The following LARGE2 variants were observed in gnomAD, a reference collection of about 807,000 sequenced individuals.
LARGE2 encodes xylosyl- and glucuronyltransferase LARGE2.
A neutral mutation model predicts 75.3 loss-of-function variants in LARGE2; 63 were observed. The observed-to-expected ratio is 0.84, with a 90% CI of 0.68 to 1.03. The LOEUF is 1.03. Ranked by LOEUF, LARGE2 falls within the 50% of genes least tolerant of loss-of-function variation. LARGE2 has a pLI of 0.00. For synonymous variants in LARGE2, 428 were observed against 420.1 expected, an observed-to-expected ratio of 1.02 and a Z score of -0.23; for missense variants, 925 against 980.6, an observed-to-expected ratio of 0.94 and a Z score of 0.76.
At chr11:45,926,956 T>C in intron 10 of LARGE2, 85 bp downstream of exon 10, 2 of 1,391,036 alleles carry the variant, frequency 1.4e-6, no homozygotes, top group Non-Finnish European at 1.9e-6. Context: ...GGCAGCCTGA[T>C]GCTGTGGTAG....
chr11:45,926,182 G>A lies in LARGE2; in HGVS notation c.882+31G>A, dbSNP rs141636926. 3.1e-3 allele frequency: 5,002 copies of A among 1,609,802 alleles called. 10 individuals are homozygous for A. The highest frequency in any genetic ancestry group is 3.8e-3 in the Non-Finnish European group (4,444 of 1,177,966). ...AGGAAGCCTTGCCGGGTGGGGTGTG[G>A]CAGGCTGGGGGCTGGGATGTGATGG... On this transcript the variant is annotated intron_variant, in intron 7 of 13. Transcript: ENST00000401752.
intron 6 of LARGE2, among the ~76,000 whole-genome samples, chr11:45,925,586 G>A (rs4756041): frequency 0.093 from 14,086 of 152,234 alleles, 831 homozygotes; most frequent in Non-Finnish European, 0.13. Context: ...AACCCAGGAA[G>A]CAGAGGTTGC....
chr11:45,923,278 G>A (rs2086997050), intron 2 of LARGE2, 111 bp downstream of exon 2: 2 of 1,231,574 alleles, frequency 1.6e-6, no homozygotes, highest in Non-Finnish European at 2.2e-6. Flanking sequence ...GCACTGGCCA[G>A]CCGGCTGGGG....
rs1482405164 is a variant in LARGE2, at chr11:45,928,400, C to CT, written c.1950+31dup. ...GAGGAGGGCACCTTGCTGCCTCCAC[C>CT]TTTGACTCGAGCACCTCCAGGTCCA... is the stretch of plus-strand genomic sequence containing the variant. On this transcript the variant is annotated intron_variant, in intron 13 of 13. Coordinates refer to ENST00000401752, the MANE Select transcript of LARGE2 (RefSeq NM_001300721.2). 1.9e-6 allele frequency: 3 copies of CT among 1,605,288 alleles called. No individual in the cohort carries two copies. In the African/African-American group the frequency reaches 4.0e-5, roughly 21 times the overall value.
At position 45,928,727 on chromosome 11, in the gene LARGE2, G is replaced by GT. The variant is rs775307363; in HGVS notation, c.2049dup (p.Asp684Ter). On this transcript the variant is annotated frameshift_variant, in exon 14 of 14. Coordinates refer to ENST00000401752, the MANE Select transcript of LARGE2 (RefSeq NM_001300721.2). LOFTEE classifies it high-confidence loss of function. ...CGCTTCCGCTCCAGCCCCACCTATC[G>GT]TGACTGCCTCCAGGCCCTCAAGGAC... The GT allele has an allele frequency of 1.2e-6, 2 of 1,613,940 alleles. No homozygotes were observed. The highest frequency in any genetic ancestry group is 1.7e-6 in the Non-Finnish European group (2 of 1,180,018).
intron 2 of LARGE2, 74 bp from the exon 3 acceptor site, chr11:45,923,398 TG>T: frequency 7.0e-7 from 1 of 1,422,342 alleles, no homozygotes. Flanking sequence ...TGCTGCGGGG[TG>T]GGGCAGCTCA....
intron 6 of LARGE2, 104 bp from the exon 7 acceptor site, chr11:45,925,935 T>C: frequency 1.1e-6 from 1 of 928,832 alleles, no homozygotes. Context: ...GTCTGAACAG[T>C]CAGAAAATAC....
At chr11:45,923,213 C>T (rs1004319887) in intron 2 of LARGE2, 46 bp downstream of exon 2, 2 of 1,317,022 alleles carry the variant, frequency 1.5e-6, no homozygotes, top group African/African-American at 1.5e-5. Context: ...GGGCGCCGCC[C>T]CCGAGCCCGG....
Position 45,924,305 on chromosome 11 carries a change from C to T in LARGE2, c.492+28C>T, listed in dbSNP as rs771561817. ...AGGGGCCCAGCCCTTCCCCCCTCCC[C>T]TCAGCTGTGTCCACCGCTCTCCTCT... On this transcript the variant is annotated intron_variant, in intron 4 of 13. Coordinates refer to ENST00000401752, the MANE Select transcript of LARGE2 (RefSeq NM_001300721.2). 12 of 1,610,734 alleles carry T rather than the reference C, an allele frequency of 7.5e-6. No individual in the cohort carries two copies. In the South Asian group the frequency reaches 1.1e-4, roughly 15 times the overall value.
chr11:45,929,021 G>C lies in LARGE2; in HGVS notation c.*176G>C. 1.3e-6 allele frequency: 1 copy of C among 782,322 alleles called. No homozygotes were observed. Among genetic ancestry groups the C allele is most frequent in the South Asian group, 1.8e-5 (1 of 54,170 alleles). 48.5% of individuals were successfully genotyped at this position (782,322 alleles called of 1,614,324 possible). A position where few individuals can be genotyped will look rare whatever the true frequency, so the allele number is the denominator to read the frequency against. On this transcript the variant is annotated 3_prime_UTR_variant, in exon 14 of 14. Coordinates refer to ENST00000401752, the MANE Select transcript of LARGE2 (RefSeq NM_001300721.2). ...TATGGCTGGGGACTGGTCTCTCTCT[G>C]CCCCAGCCAGTTTGGGGCTGGTTCC...
intron 2 of LARGE2, 121 bp from the exon 3 acceptor site, chr11:45,923,352 G>T: frequency 8.8e-7 from 1 of 1,136,948 alleles, no homozygotes; most frequent in South Asian, 1.4e-5. Context: ...TGAAGGGTTG[G>T]CTCCTGCTGC....
intron 11 of LARGE2, 118 bp downstream of exon 11, chr11:45,927,711 G>A (rs1251317519): frequency 1.3e-6 from 2 of 1,493,070 alleles, no homozygotes; most frequent in East Asian, 2.3e-5. Context: ...TCTGTCAATT[G>A]GGGTTTGTAT....
intron 6 of LARGE2, 33 bp from the exon 7 acceptor site, chr11:45,926,006 C>G: frequency 6.5e-7 from 1 of 1,535,106 alleles, no homozygotes; most frequent in Middle Eastern, 1.7e-4. Flanking sequence ...CTGGTCGTCC[C>G]AGGTGGGCAT....
chr11:45,928,398 A>C lies in LARGE2; in HGVS notation c.1950+26A>C, dbSNP rs1275641922. The C allele has an allele frequency of 1.9e-6, 3 of 1,606,068 alleles. No individual in the cohort carries two copies. In the Admixed American group the frequency reaches 5.0e-5, roughly 27 times the overall value. On this transcript the variant is annotated intron_variant, in intron 13 of 13. Transcript: ENST00000401752. ...GTGAGGAGGGCACCTTGCTGCCTCC[A>C]CCTTTGACTCGAGCACCTCCAGGTC...
chr11:45,928,428 G>A (rs1382831879), intron 13 of LARGE2, 56 bp downstream of exon 13: 12 of 1,583,064 alleles, frequency 7.6e-6, no homozygotes, highest in Non-Finnish European at 1.0e-5. Flanking sequence ...CAGGTCCAGG[G>A]AACTCACGAC....
Position 45,923,053 on chromosome 11 carries a change from C to A in LARGE2, c.171C>A (p.Pro57=). 1 of 1,417,326 alleles carries A rather than the reference C, an allele frequency of 7.1e-7. No individual in the cohort carries two copies. The highest frequency in any genetic ancestry group is 2.8e-5 in the Admixed American group (1 of 35,592). The allele number at this position is 1,417,326 out of a possible 1,614,324, so 87.8% of individuals were successfully genotyped here. Residue 57 remains proline, a synonymous_variant, in exon 2 of 14, where the codon CCC becomes CCA. Coordinates refer to ENST00000401752, the MANE Select transcript of LARGE2 (RefSeq NM_001300721.2). ...CCGGCCCGCTCATGCCACGTGTCCC[C>A]CCAGACGGGAGGCTGCGGAGAGCCG... The part of the protein sequence containing the change: ...CFPGPLMPRV[P]PDGRLRRAAA...
chr11:45,925,233 C>T (rs138229022), intron 6 of LARGE2, among the ~76,000 whole-genome samples: 51 of 152,274 alleles, frequency 3.3e-4, no homozygotes, highest in African/African-American at 1.2e-3. Flanking sequence ...AAGTAGTCTA[C>T]GAGCAAGCTG....
Position 45,928,662 on chromosome 11 carries a change from C to G in LARGE2, c.1983C>G (p.Phe661Leu). The change falls in exon 14 of 14, where the codon TTC (phenylalanine) becomes TTG (leucine). Residue 661 changes from phenylalanine to leucine, a missense_variant. Coordinates refer to ENST00000401752, the MANE Select transcript of LARGE2 (RefSeq NM_001300721.2). ...EYELLVLPEA[F>L]TIHLPHAPSL... ...AGCTCCTGGTGCTGCCCGAGGCCTT[C>G]ACCATCCATCTGCCCCACGCTCCAA... The G allele has an allele frequency of 6.2e-7, 1 of 1,614,132 alleles. No individual in the cohort carries two copies. Among genetic ancestry groups the G allele is most frequent in the Non-Finnish European group, 8.5e-7 (1 of 1,180,008 alleles).
At position 45,924,778 on chromosome 11, in the gene LARGE2, C is replaced by T; in HGVS notation, c.665-7C>T. The stretch of plus-strand genomic sequence containing the variant: ...TCAGACAGCTCCCTTATGCCCTCCC[C>T]TCCCAGACACGCAGGCGATCGGTCT... On this transcript the variant is annotated splice_region_variant and splice_polypyrimidine_tract_variant and intron_variant, in intron 5 of 13. Transcript: ENST00000401752. 6.6e-7 allele frequency: 1 copy of T among 1,503,804 alleles called. No individual in the cohort carries two copies. Among genetic ancestry groups the T allele is most frequent in the Non-Finnish European group, 8.9e-7 (1 of 1,122,802 alleles). 93.2% of individuals were successfully genotyped at this position (1,503,804 alleles called of 1,614,324 possible). A position where few individuals can be genotyped will look rare whatever the true frequency, so the allele number is the denominator to read the frequency against.
Sources: allele counts gnomAD v4.1 joint callset (sites outside exome capture counted in the v4.1 genomes callset), GRCh38; gene constraint gnomAD v4.1.1; transcripts MANE v1.5; gene names NCBI Gene and HGNC (gene_info 2026-07-23, HGNC 2026-07-21).